ALG6: variants seen among roughly 807,000 people sequenced by gnomAD.
The protein encoded by ALG6 is ALG6 alpha-1,3-glucosyltransferase.
Under a neutral mutation model 66.6 loss-of-function variants are expected in ALG6, and 46 were observed. The observed-to-expected ratio is 0.69, with a 90% confidence interval of 0.55 to 0.88. The LOEUF (loss-of-function observed/expected upper bound fraction) is 0.88. Ranked by LOEUF, ALG6 falls within the 40% of genes least tolerant of loss-of-function variation. ALG6 has a pLI of 0.00. For missense variants in ALG6, 505 were observed against 586.8 expected (o/e 0.86, Z 1.44); for synonymous variants, 185 against 203.7 (o/e 0.91, Z 0.78).
At chr1:63,422,941 G>A (rs551817428) in intron 12 of ALG6, among the ~76,000 whole-genome samples, 2 of 151,598 alleles carry the variant, frequency 1.3e-5, no homozygotes, top group South Asian at 4.2e-4. Flanking sequence ...GGCAACGAGA[G>A]CAAAACTCCG....
chr1:63,430,686 A>G (rs1644641270), intron 14 of ALG6, among the ~76,000 whole-genome samples: 1 of 152,154 alleles, frequency 6.6e-6, no homozygotes, highest in Non-Finnish European at 1.5e-5. Flanking sequence ...GGCCATTTGT[A>G]TATCTTCTTT....
At chr1:63,401,626 G>A (rs1022326345) in intron 3 of ALG6, among the ~76,000 whole-genome samples, 3 of 151,368 alleles carry the variant, frequency 2.0e-5, no homozygotes, top group Admixed American at 1.3e-4. Flanking sequence ...GCAGTGAGCC[G>A]AGATTGCGCC....
intron 2 of ALG6, among the ~76,000 whole-genome samples, chr1:63,380,473 T>C (rs754082223): frequency 6.6e-6 from 1 of 152,204 alleles, no homozygotes; most frequent in African/African-American, 2.4e-5. Flanking sequence ...AATTGGTCCA[T>C]TGGAAAGTCA....
intron 11 of ALG6, 52 bp downstream of exon 11, chr1:63,416,009 A>G: frequency 7.6e-7 from 1 of 1,307,590 alleles, no homozygotes; most frequent in Non-Finnish European, 1.1e-6. Flanking sequence ...CTGATCTTTT[A>G]AAAATTATTT....
At chr1:63,372,721 G>A (rs759368272) in intron 2 of ALG6, among the ~76,000 whole-genome samples, 6 of 151,734 alleles carry the variant, frequency 4.0e-5, no homozygotes, top group Non-Finnish European at 5.9e-5. Context: ...GTGCAGTGGC[G>A]CAATCTTGGC....
intron 7 of ALG6, among the ~76,000 whole-genome samples, chr1:63,410,061 G>T (rs951044830): frequency 7.2e-5 from 11 of 152,006 alleles, no homozygotes; most frequent in African/African-American, 2.7e-4. Flanking sequence ...TAACCTACTT[G>T]GTGTTTCCAA....
At chr1:63,411,402 T>C in intron 8 of ALG6, 71 bp downstream of exon 8, 3 of 1,387,136 alleles carry the variant, frequency 2.2e-6, no homozygotes, top group Middle Eastern at 2.1e-4. Context: ...TTACTTGCAG[T>C]AAGATGATCT....
chr1:63,422,885 G>T (rs1044507213), intron 12 of ALG6, among the ~76,000 whole-genome samples: 3 of 152,038 alleles, frequency 2.0e-5, no homozygotes, highest in African/African-American at 7.2e-5. Context: ...AACCCAGGAG[G>T]TGGAGGTTGC....
chr1:63,428,384 A>G (rs913720521), intron 12 of ALG6: 8 of 183,920 alleles, frequency 4.3e-5, no homozygotes, highest in Non-Finnish European at 2.2e-5. Context: ...CTGGGAATTC[A>G]TATTTACCAA....
chr1:63,425,553 A>G (rs1644610798), intron 12 of ALG6, among the ~76,000 whole-genome samples: 1 of 152,196 alleles, frequency 6.6e-6, no homozygotes, highest in Admixed American at 6.5e-5. Context: ...AGTGTGAAAC[A>G]TTTTCTAAGG....
rs941050814 is a variant in ALG6, at chr1:63,370,699, C to T, written c.-207-72C>T. On this transcript the variant is annotated intron_variant, in intron 1 of 14. Transcript: ENST00000263440. ...TCCCCTCGAATTCTCTATCCTTCTACTTGGTTTACTGGGTTCATTGTTGTA... is the reference window on the plus strand; with the variant it reads ...TCCCCTCGAATTCTCTATCCTTCTATTTGGTTTACTGGGTTCATTGTTGTA... The T allele has an allele frequency of 2.8e-5, 11 of 398,864 alleles. 1 individual carries two copies. Among genetic ancestry groups the T allele is most frequent in the Non-Finnish European group, 4.6e-5 (10 of 218,190 alleles). 24.7% of individuals were successfully genotyped at this position (398,864 alleles called of 1,614,324 possible).
intron 1 of ALG6, 57 bp downstream of exon 1, chr1:63,367,744 G>A (rs928845070): frequency 6.6e-6 from 1 of 152,268 alleles, no homozygotes; most frequent in Non-Finnish European, 1.5e-5. Context: ...GGAGGTGCCG[G>A]GGGCTCGGAC....
At chr1:63,396,630 T>A in intron 3 of ALG6, 33 bp downstream of exon 3, 1 of 1,543,390 alleles carries the variant, frequency 6.5e-7, no homozygotes, top group South Asian at 1.1e-5. Context: ...TTCTTGTTTA[T>A]CATAGTTAAT....
chr1:63,407,231 G>T, intron 7 of ALG6, 105 bp downstream of exon 7: 1 of 810,968 alleles, frequency 1.2e-6, no homozygotes, highest in African/African-American at 1.7e-5. Context: ...TAGAGTGCTT[G>T]CTTATATAAA....
chr1:63,386,550 A>T (rs947062768), intron 2 of ALG6, among the ~76,000 whole-genome samples: 21 of 152,138 alleles, frequency 1.4e-4, no homozygotes, highest in Non-Finnish European at 2.4e-4. Flanking sequence ...GGTAGGTTGT[A>T]CGTGTCTAGG....
chr1:63,428,711 AT>A (rs780864669), intron 12 of ALG6, 21 bp from the exon 13 acceptor site: 1 of 1,499,458 alleles, frequency 6.7e-7, no homozygotes, highest in Non-Finnish European at 9.2e-7. Flanking sequence ...ATATTAAAAT[AT>A]TTTTTTCTTT....
At chr1:63,380,728 C>T (rs1225286691) in intron 2 of ALG6, among the ~76,000 whole-genome samples, 3 of 152,144 alleles carry the variant, frequency 2.0e-5, no homozygotes, top group Non-Finnish European at 2.9e-5. Flanking sequence ...GACAATTCAT[C>T]CAATACTTCT....
At chr1:63,429,221 T>TA (rs1644633071) in intron 14 of ALG6, 95 bp downstream of exon 14, 2 of 920,908 alleles carry the variant, frequency 2.2e-6, no homozygotes, top group African/African-American at 3.4e-5. Flanking sequence ...CTTTTTGAGA[T>TA]ATAATTCACA....
chr1:63,368,152 A>G (rs1390829465), intron 1 of ALG6, among the ~76,000 whole-genome samples: 1 of 152,206 alleles, frequency 6.6e-6, no homozygotes. Context: ...CGAAAAGCGC[A>G]TCTACTGCCT....
Sources: allele counts gnomAD v4.1 joint callset (sites outside exome capture counted in the v4.1 genomes callset), GRCh38; gene constraint gnomAD v4.1.1; transcripts MANE v1.5; gene names NCBI Gene and HGNC (gene_info 2026-07-23, HGNC 2026-07-21).